The following SGCE variants were observed in gnomAD, a reference collection of about 807,000 sequenced individuals.
SGCE encodes the protein epsilon-sarcoglycan.
In SGCE, 26 loss-of-function variants were observed where a neutral mutation model predicts 57.8. The observed-to-expected ratio is 0.45, with a 90% CI of 0.33 to 0.62. SGCE has a LOEUF of 0.62. Ranked by LOEUF, SGCE falls within the 20% of genes least tolerant of loss-of-function variation. SGCE has a pLI of 0.02. For synonymous variants in SGCE, 183 were observed against 189.5 expected, an observed-to-expected ratio of 0.97 and a Z score of 0.28; for missense variants, 468 against 548.6, an observed-to-expected ratio of 0.85 and a Z score of 1.47.
chr7:94,651,531 C>G (rs146608971), intron 1 of SGCE, among the ~76,000 whole-genome samples: 1 of 152,360 alleles, frequency 6.6e-6, no homozygotes, highest in African/African-American at 2.4e-5. Context: ...TACACAAGAG[C>G]ATCCTGCATC....
chr7:94,624,516 T>C, intron 3 of SGCE: 1 of 300,404 alleles, frequency 3.3e-6, no homozygotes, highest in Non-Finnish European at 6.1e-6. Flanking sequence ...TTCCATCATA[T>C]TTAATTATTT....
intron 2 of SGCE, 170 bp downstream of exon 2, chr7:94,629,549 C>T: frequency 1.6e-6 from 1 of 643,220 alleles, no homozygotes; most frequent in Non-Finnish European, 2.7e-6. Context: ...TTATTTTTGT[C>T]TGTAATTAAA....
intron 10 of SGCE, chr7:94,586,578 CA>C (rs1373367771): frequency 6.6e-6 from 1 of 152,316 alleles, no homozygotes; most frequent in Non-Finnish European, 1.5e-5. Flanking sequence ...TGGCTCACTG[CA>C]ACCTCCACCT....
intron 5 of SGCE, among the ~76,000 whole-genome samples, chr7:94,614,458 C>T (rs1367472229): frequency 1.3e-5 from 2 of 152,186 alleles, no homozygotes; most frequent in African/African-American, 2.4e-5. Flanking sequence ...CAGAAGACAA[C>T]GTCTTACATG....
chr7:94,618,706 T>A, intron 5 of SGCE, 52 bp downstream of exon 5: 1 of 1,454,458 alleles, frequency 6.9e-7, no homozygotes, highest in Non-Finnish European at 9.6e-7. Context: ...TTTGATAAGA[T>A]CACCGTATTT....
chr7:94,599,634 A>T, intron 8 of SGCE, 63 bp downstream of exon 8: 1 of 1,277,958 alleles, frequency 7.8e-7, no homozygotes, highest in Non-Finnish European at 1.1e-6. Context: ...TGTATGGAGC[A>T]TGATGGGCAA....
chr7:94,629,990 C>T, intron 1 of SGCE, 149 bp from the exon 2 acceptor site: 1 of 851,654 alleles, frequency 1.2e-6, no homozygotes, highest in Non-Finnish European at 1.8e-6. Flanking sequence ...CTGTTAATAA[C>T]AATTTGTTTT....
At chr7:94,620,341 G>C (rs1414759706) in intron 4 of SGCE, 5 of 151,982 alleles carry the variant, frequency 3.3e-5, no homozygotes, top group African/African-American at 1.2e-4. Context: ...AAAGTTCTTT[G>C]CTTATCTCCT....
intron 2 of SGCE, chr7:94,628,712 C>T (rs1006284818): frequency 4.4e-5 from 11 of 249,110 alleles, no homozygotes; most frequent in African/African-American, 1.1e-4. Flanking sequence ...CGAAATATTC[C>T]GTTCATGAAA....
chr7:94,654,258 A>G (rs1808279891), intron 1 of SGCE, among the ~76,000 whole-genome samples: 1 of 152,198 alleles, frequency 6.6e-6, no homozygotes. Flanking sequence ...GAAAAAATCA[A>G]ATTGGTTCAA....
At position 94,589,010 on chromosome 7, in the gene SGCE, C is replaced by T. The variant is rs1305509022; in HGVS notation, c.1254-278G>A. 45 of 433,584 alleles carry T rather than the reference C, an allele frequency of 1.0e-4. 1 individual carries two copies. The Admixed American group carries it at 1.6e-3, about 15-fold the overall frequency. 26.9% of individuals were successfully genotyped at this position (433,584 alleles called of 1,614,324 possible). ...TAAGAGGTAGGTGTTAATATTTTTC[C>T]CATTTTATGGGTGAAGAAATAGCCT... is the stretch of plus-strand genomic sequence containing the variant. On this transcript the variant is annotated intron_variant, in intron 9 of 10. Coordinates refer to ENST00000648936, the MANE Select transcript of SGCE (RefSeq NM_003919.3).
intron 1 of SGCE, among the ~76,000 whole-genome samples, chr7:94,631,376 C>T (rs1013027513): frequency 6.6e-6 from 1 of 151,716 alleles, no homozygotes; most frequent in Non-Finnish European, 1.5e-5. Flanking sequence ...ATGAAAGAGA[C>T]CCTGCCACTG....
chr7:94,615,131 C>T (rs1329828440), intron 5 of SGCE, among the ~76,000 whole-genome samples: 1 of 152,088 alleles, frequency 6.6e-6, no homozygotes, highest in East Asian at 1.9e-4. Flanking sequence ...GAGGCCAAGG[C>T]GGGTGGATCA....
At chr7:94,612,037 T>A (rs1377632909) in intron 5 of SGCE, among the ~76,000 whole-genome samples, 1 of 152,222 alleles carries the variant, frequency 6.6e-6, no homozygotes, top group African/African-American at 2.4e-5. Context: ...TACATTCAGT[T>A]TCTATCCTTT....
At chr7:94,623,077 T>G (rs771376089) in intron 4 of SGCE, among the ~76,000 whole-genome samples, 2 of 152,130 alleles carry the variant, frequency 1.3e-5, no homozygotes, top group African/African-American at 4.8e-5. Flanking sequence ...TTTAAGGTAA[T>G]GAAAAAGGCT....
chr7:94,646,491 T>G (rs970135214), intron 1 of SGCE, among the ~76,000 whole-genome samples: 8 of 152,184 alleles, frequency 5.3e-5, no homozygotes, highest in Non-Finnish European at 1.0e-4. Flanking sequence ...GGAACACCAG[T>G]GGAAACTTTA....
chr7:94,626,148 T>C (rs1453208241), intron 3 of SGCE: 5 of 152,130 alleles, frequency 3.3e-5, no homozygotes, highest in Admixed American at 2.6e-4. Flanking sequence ...CTTATTAAAT[T>C]GCAGGATTTC....
chr7:94,626,179 TAGTC>T (rs1474415270), intron 3 of SGCE: 23 of 152,206 alleles, frequency 1.5e-4, no homozygotes, highest in Non-Finnish European at 2.8e-4. Context: ...TAGATACTCT[TAGTC>T]AGCTATATGT....
chr7:94,614,386 A>G (rs916898683), intron 5 of SGCE, among the ~76,000 whole-genome samples: 4 of 152,176 alleles, frequency 2.6e-5, no homozygotes, highest in African/African-American at 7.2e-5. Flanking sequence ...CAAAAATTTT[A>G]GTATCAACCA....
Sources: gnomAD v4.1 joint callset for allele counts (sites outside exome capture counted in the v4.1 genomes callset) on GRCh38, gnomAD v4.1.1 for gene constraint, MANE v1.5 for transcripts, NCBI Gene and HGNC (gene_info 2026-07-23, HGNC 2026-07-21) for gene names.